The following EML6 variants were observed in gnomAD, a reference collection of about 807,000 sequenced individuals.
EML6 encodes echinoderm microtubule-associated protein-like 6.
EML6 carries 154 observed loss-of-function variants against 240.1 expected under a neutral mutation model. That is an observed-to-expected ratio of 0.64 (90% CI 0.56 to 0.73). The LOEUF (loss-of-function observed/expected upper bound fraction) is 0.73, where lower values mean the gene tolerates loss of function less well. EML6 is among the 30% of genes least tolerant of loss of function. The pLI is 0.00. For synonymous variants in EML6, 1,148 were observed against 899.0 expected, an observed-to-expected ratio of 1.28 and a Z score of -4.95; for missense variants, 2,964 against 2,474.6, an observed-to-expected ratio of 1.20 and a Z score of -4.20.
intron 2 of EML6, among the ~76,000 whole-genome samples, chr2:54,726,512 C>T (rs1252551816): frequency 6.6e-6 from 1 of 151,744 alleles, no homozygotes; most frequent in Non-Finnish European, 1.5e-5. Flanking sequence ...ATTCAAACTA[C>T]AGATTTTAAA....
At chr2:54,891,575 A>G (rs774332768) in intron 18 of EML6, among the ~76,000 whole-genome samples, 1 of 152,242 alleles carries the variant, frequency 6.6e-6, no homozygotes, top group Non-Finnish European at 1.5e-5. Flanking sequence ...TAGGTGGTCC[A>G]ATAAATATTG....
intron 12 of EML6, among the ~76,000 whole-genome samples, chr2:54,861,258 G>A (rs566849458): frequency 1.3e-5 from 2 of 152,296 alleles, no homozygotes; most frequent in South Asian, 4.1e-4. Context: ...CATACACCAA[G>A]TGCCACACCT....
intron 5 of EML6, among the ~76,000 whole-genome samples, chr2:54,825,589 A>T (rs1413592840): frequency 6.6e-6 from 1 of 152,016 alleles, no homozygotes; most frequent in Non-Finnish European, 1.5e-5. Context: ...ATATACTTCA[A>T]CACCTTTTCA....
rs969322792 is a variant in EML6 at position 54,725,007 on chromosome 2, G to A, written c.-55G>A. 3.6e-6 allele frequency: 5 copies of A among 1,395,134 alleles called. No homozygotes were observed. The highest frequency in any genetic ancestry group is 4.7e-6 in the Non-Finnish European group (5 of 1,074,830). The allele number at this position is 1,395,134 out of a possible 1,614,324, so 86.4% of individuals were successfully genotyped here. On this transcript the variant is annotated 5_prime_UTR_variant, in exon 2 of 42. Transcript: ENST00000356458. This position sits in a 1 kb window ranked among gnomAD's most constrained non-coding sequence, Gnocchi z 4.3. ...GCAGGTCCGCCGCAGCCCCAGCCTC[G>A]GCGAGGACGGCCCCGGCGCGCGGGG...
Position 54,771,145 on chromosome 2 carries a change from A to C in EML6, c.198-42087A>C, listed in dbSNP as rs547414192. 5.3e-5 allele frequency among the ~76,000 whole-genome samples: 8 copies of C among 152,230 alleles called. No homozygotes were observed. In the South Asian group the frequency reaches 1.7e-3, roughly 32 times the overall value. On this transcript the variant is annotated intron_variant, in intron 2 of 41. Transcript: ENST00000356458. ...TGAGTTCTGTCATCCAGCCTATGTA[A>C]TTTACTGAGCAGTTAATGGCGTGCT...
intron 2 of EML6, among the ~76,000 whole-genome samples, chr2:54,811,746 C>G (rs944340025): frequency 6.6e-6 from 1 of 152,178 alleles, no homozygotes. Flanking sequence ...CATAATCTTG[C>G]AGTTTTCTGG....
chr2:54,912,652 A>T (rs1673702703), intron 25 of EML6, among the ~76,000 whole-genome samples: 1 of 152,172 alleles, frequency 6.6e-6, no homozygotes, highest in South Asian at 2.1e-4. Flanking sequence ...TCGTGAGAAC[A>T]TGTGGTATTT....
intron 21 of EML6, among the ~76,000 whole-genome samples, chr2:54,897,724 C>T (rs1397531106): frequency 3.1e-4 from 47 of 150,296 alleles, no homozygotes; most frequent in African/African-American, 1.1e-3. Flanking sequence ...TTTTTTTCGT[C>T]TTCTGCTCTC....
chr2:54,776,248 C>A (rs905346339), intron 2 of EML6, among the ~76,000 whole-genome samples: 3 of 152,096 alleles, frequency 2.0e-5, no homozygotes, highest in African/African-American at 7.3e-5. Context: ...TTGGCCCAAC[C>A]AGAAACAGAG....
At position 54,960,310 on chromosome 2, in the gene EML6, T is replaced by C. The variant is rs1676438074; in HGVS notation, c.4944T>C (p.Cys1648=). 1 of 1,550,664 alleles carries C rather than the reference T, an allele frequency of 6.4e-7. No homozygotes were observed. The highest frequency in any genetic ancestry group is 1.4e-5 in the African/African-American group (1 of 73,026). ...FQLETGQLVE[C]VRSVCRGKGK... ...TGGAGACCGGGCAGCTGGTGGAGTGTGTGCGCTCCGTGTGCCGTGGAAAAG... is the reference window on the plus strand; with the variant it reads ...TGGAGACCGGGCAGCTGGTGGAGTGCGTGCGCTCCGTGTGCCGTGGAAAAG... The change falls in exon 35 of 42, where the codon TGT becomes TGC. Residue 1648 remains cysteine (C), a synonymous_variant. Coordinates refer to ENST00000356458, the MANE Select transcript of EML6 (RefSeq NM_001039753.4).
At chr2:54,911,432 A>AT (rs35753222) in intron 25 of EML6, among the ~76,000 whole-genome samples, 50,056 of 145,200 alleles carry the variant, frequency 0.34, 8,782 homozygotes, top group Middle Eastern at 0.41. Context: ...TAACAACAGA[A>AT]TTTTTTTTTT....
chr2:54,925,894 T>A (rs1674517625), intron 26 of EML6, among the ~76,000 whole-genome samples: 1 of 152,208 alleles, frequency 6.6e-6, no homozygotes. Context: ...TTTGCATTTT[T>A]AAAACCCTCC....
chr2:54,914,427 A>G (rs1427546914), intron 25 of EML6, among the ~76,000 whole-genome samples: 1 of 152,202 alleles, frequency 6.6e-6, no homozygotes, highest in Admixed American at 6.5e-5. Flanking sequence ...CTAAAATGAA[A>G]TGTAATTTAA....
intron 12 of EML6, among the ~76,000 whole-genome samples, chr2:54,862,338 TA>T (rs35834327): frequency 0.063 from 2,348 of 37,562 alleles, 21 homozygotes; most frequent in South Asian, 0.071. Flanking sequence ...ACTCCATCTC[TA>T]AAAAAAAAAA....
intron 2 of EML6, among the ~76,000 whole-genome samples, chr2:54,792,442 T>A (rs1438072361): frequency 6.6e-6 from 1 of 152,208 alleles, no homozygotes; most frequent in African/African-American, 2.4e-5. Flanking sequence ...GCCCCTGCAA[T>A]CTCACTCCTA....
At chr2:54,968,538 A>G (rs1676850259) in intron 40 of EML6, 130 bp from the exon 41 acceptor site, 2 of 681,314 alleles carry the variant, frequency 2.9e-6, no homozygotes, top group Admixed American at 2.5e-5. Context: ...CTAATAGATG[A>G]GTCCAGACCA....
At chr2:54,897,085 GTATT>G (rs1481479807) in intron 21 of EML6, among the ~76,000 whole-genome samples, 10 of 152,078 alleles carry the variant, frequency 6.6e-5, no homozygotes, top group East Asian at 3.9e-4. Flanking sequence ...TTACTGAAAA[GTATT>G]TATTTACTTT....
At chr2:54,924,864 C>T (rs574527147) in intron 26 of EML6, among the ~76,000 whole-genome samples, 2 of 152,234 alleles carry the variant, frequency 1.3e-5, no homozygotes, top group South Asian at 2.1e-4. Context: ...CACCCAGCCT[C>T]TTCTTTTTTT....
intron 24 of EML6, among the ~76,000 whole-genome samples, chr2:54,906,306 T>C (rs986814353): frequency 6.6e-6 from 1 of 152,314 alleles, no homozygotes; most frequent in Middle Eastern, 3.4e-3. Context: ...GTATAGGCCC[T>C]GTGTCAGATG....
Sources: gnomAD v4.1 joint callset for allele counts (sites outside exome capture counted in the v4.1 genomes callset) on GRCh38, gnomAD v4.1.1 for gene constraint, Gnocchi (gnomAD v3.1) non-coding constraint, MANE v1.5 for transcripts, NCBI Gene and HGNC (gene_info 2026-07-23, HGNC 2026-07-21) for gene names.